Variants in GFRA1 observed in about 807,000 individuals in gnomAD.
GFRA1 encodes GDNF family receptor alpha 1, also known as GDNF family receptor alpha-1.
Under a neutral mutation model 51.6 loss-of-function variants are expected in GFRA1, and 16 were observed. The observed-to-expected ratio is 0.31, with a 90% CI of 0.21 to 0.47. The LOEUF (loss-of-function observed/expected upper bound fraction) is 0.47, where lower values mean the gene tolerates loss of function less well. GFRA1 is among the 20% of genes least tolerant of loss of function. GFRA1 has a pLI of 1.00. For synonymous variants in GFRA1, 270 were observed against 241.3 expected, an observed-to-expected ratio of 1.12 and a Z score of -1.10; for missense variants, 530 against 594.3, an observed-to-expected ratio of 0.89 and a Z score of 1.13.
intron 6 of GFRA1, among the ~76,000 whole-genome samples, chr10:116,122,407 C>T (rs1462198271): frequency 1.3e-5 from 2 of 152,168 alleles, no homozygotes; most frequent in African/African-American, 4.8e-5. Flanking sequence ...AGTCCACTCC[C>T]TGCTATCAGG....
At chr10:116,176,047 TG>T (rs1961556864) in intron 5 of GFRA1, among the ~76,000 whole-genome samples, 1 of 152,158 alleles carries the variant, frequency 6.6e-6, no homozygotes, top group Admixed American at 6.5e-5. Context: ...CAGTATTATT[TG>T]GAAAAGATGA....
chr10:116,270,771 G>C, intron 3 of GFRA1, 51 bp downstream of exon 3: 1 of 1,508,880 alleles, frequency 6.6e-7, no homozygotes, highest in South Asian at 1.2e-5. Context: ...CGAAAGGCCC[G>C]CCTGCCTTCG....
chr10:116,089,640 C>A lies in GFRA1; in HGVS notation c.1197+101G>T. ...TTGAGACTCAAACCCGAGCAGCATT[C>A]GTCATCTCTCTCTGCATACATTTCA... On this transcript the variant is annotated intron_variant, in intron 9 of 10. Transcript: ENST00000355422. The A allele has an allele frequency of 3.1e-6, 3 of 982,730 alleles. No individual in the cohort carries two copies. The Admixed American group carries it at 5.1e-5, about 17-fold the overall frequency. 60.9% of individuals were successfully genotyped at this position (982,730 alleles called of 1,614,324 possible). A position where few individuals can be genotyped will look rare whatever the true frequency, so the allele number is the denominator to read the frequency against.
intron 6 of GFRA1, among the ~76,000 whole-genome samples, chr10:116,097,385 C>T (rs1298376272): frequency 4.6e-5 from 7 of 152,272 alleles, no homozygotes; most frequent in South Asian, 2.1e-4. Context: ...TTGCTCTAGG[C>T]GGGTGGGCCT....
intron 6 of GFRA1, among the ~76,000 whole-genome samples, chr10:116,114,297 G>A (rs1565585273): frequency 6.6e-6 from 1 of 152,214 alleles, no homozygotes; most frequent in Non-Finnish European, 1.5e-5. Flanking sequence ...CAGTCTCAGA[G>A]CCAGCTCTGC....
chr10:116,080,785 A>G (rs1273925340), intron 9 of GFRA1, among the ~76,000 whole-genome samples: 1 of 152,182 alleles, frequency 6.6e-6, no homozygotes, highest in Non-Finnish European at 1.5e-5. Flanking sequence ...GAGCCACAGT[A>G]GGTCAGCCTG....
intron 4 of GFRA1, among the ~76,000 whole-genome samples, chr10:116,259,477 T>C (rs1444158157): frequency 3.9e-5 from 6 of 152,226 alleles, no homozygotes; most frequent in Non-Finnish European, 7.3e-5. Flanking sequence ...TTAATATTTC[T>C]GCAGTTCTGC....
At chr10:116,089,350 A>C (rs1956233334) in intron 9 of GFRA1, among the ~76,000 whole-genome samples, 1 of 152,210 alleles carries the variant, frequency 6.6e-6, no homozygotes, top group Non-Finnish European at 1.5e-5. Flanking sequence ...TGACAAACTC[A>C]AGAGCTCCTT....
intron 9 of GFRA1, among the ~76,000 whole-genome samples, chr10:116,081,280 AGT>A (rs1955839175): frequency 6.6e-6 from 1 of 152,140 alleles, no homozygotes; most frequent in African/African-American, 2.4e-5. Context: ...TGACACCCTG[AGT>A]GGTTAGCTCG....
intron 5 of GFRA1, among the ~76,000 whole-genome samples, chr10:116,181,646 G>GTT (rs200108850): frequency 2.7e-5 from 4 of 149,684 alleles, no homozygotes; most frequent in African/African-American, 4.9e-5. Flanking sequence ...TTGTTTTTTT[G>GTT]TTTTTTTTTG....
chr10:116,270,832 C>G lies in GFRA1; in HGVS notation c.324G>C (p.Gln108His). ...AGGTTCCACGCGTACCCTGCAGGCTCTGGTACATGCTCCAGTAAATGCGCA... is the reference window on the plus strand; with the variant it reads ...AGGTTCCACGCGTACCCTGCAGGCTGTGGTACATGCTCCAGTAAATGCGCA... ...NCLRIYWSMY[Q>H]SLQGNDLLED... is the part of the protein sequence containing the mutation. The change falls in exon 3 of 11, where the codon CAG becomes CAC. Residue 108 changes from glutamine to histidine, a missense_variant. By Grantham distance (24) the Gln-to-His change is conservative (BLOSUM62 0). Transcript: ENST00000355422. The G allele has an allele frequency of 1.9e-6, 3 of 1,613,132 alleles. No individual in the cohort carries two copies. The highest frequency in any genetic ancestry group is 2.5e-6 in the Non-Finnish European group (3 of 1,179,670).
intron 5 of GFRA1, among the ~76,000 whole-genome samples, chr10:116,203,279 C>A (rs1964481738): frequency 6.6e-6 from 1 of 152,226 alleles, no homozygotes; most frequent in African/African-American, 2.4e-5. Flanking sequence ...GTATGTAATT[C>A]TCTGTGACTT....
chr10:116,176,506 T>A (rs2134250329), intron 5 of GFRA1, among the ~76,000 whole-genome samples: 1 of 152,138 alleles, frequency 6.6e-6, no homozygotes. Flanking sequence ...CCACTCTATC[T>A]CTTGCCACAT....
intron 4 of GFRA1, among the ~76,000 whole-genome samples, chr10:116,258,044 C>T (rs540340764): frequency 6.6e-6 from 1 of 152,304 alleles, no homozygotes; most frequent in Admixed American, 6.5e-5. Context: ...ACCGGCAACA[C>T]CATCCAGTCC....
At chr10:116,208,980 T>C (rs1312815201) in intron 5 of GFRA1, among the ~76,000 whole-genome samples, 4 of 152,220 alleles carry the variant, frequency 2.6e-5, no homozygotes, top group Non-Finnish European at 5.9e-5. Context: ...ACAGGGAATG[T>C]AGGTCAATTA....
chr10:116,178,917 C>G (rs888547525), intron 5 of GFRA1, among the ~76,000 whole-genome samples: 12 of 152,304 alleles, frequency 7.9e-5, no homozygotes, highest in African/African-American at 2.9e-4. Flanking sequence ...TCGAAGCACT[C>G]TGTCCTGTGG....
At chr10:116,124,934 C>T (rs886617106) in intron 6 of GFRA1, among the ~76,000 whole-genome samples, 1 of 152,182 alleles carries the variant, frequency 6.6e-6, no homozygotes, top group Non-Finnish European at 1.5e-5. Flanking sequence ...ACCCTCTCAC[C>T]TGAGAGGTAT....
At position 116,081,826 on chromosome 10, in the gene GFRA1, T is replaced by A. The variant is rs142546685; in HGVS notation, c.1197+7915A>T. 8.5e-3 allele frequency among the ~76,000 whole-genome samples: 1,291 copies of A among 152,352 alleles called. 20 individuals carry two copies. The highest frequency in any genetic ancestry group is 0.027 in the African/African-American group (1,123 of 41,580). On this transcript the variant is annotated intron_variant, in intron 9 of 10. Transcript: ENST00000355422. ...TTTAGGTAGCACGCAAACTTTTTTA[T>A]GGTTTTAATTTTAATATTTATATAT...
At chr10:116,161,139 C>A (rs1959736067) in intron 5 of GFRA1, among the ~76,000 whole-genome samples, 1 of 152,140 alleles carries the variant, frequency 6.6e-6, no homozygotes, top group Admixed American at 6.5e-5. Context: ...TGGGCTTCAT[C>A]TTTGAGGGTG....
Sources: gnomAD v4.1 joint callset for allele counts (sites outside exome capture counted in the v4.1 genomes callset) on GRCh38, gnomAD v4.1.1 for gene constraint, MANE v1.5 for transcripts, NCBI Gene and HGNC (gene_info 2026-07-23, HGNC 2026-07-21) for gene names.